Variants in JAK2 observed in about 807,000 individuals in gnomAD.
The protein encoded by JAK2 is tyrosine-protein kinase JAK2.
Under a neutral mutation model 139.3 loss-of-function variants are expected in JAK2, and 86 were observed. That is an observed-to-expected ratio of 0.62 (90% CI 0.52 to 0.74). JAK2 has a LOEUF of 0.74. Among genes scored for constraint, JAK2 ranks in the 30% least tolerant of loss-of-function variants. JAK2 has a pLI of 0.00. For synonymous variants in JAK2, 490 were observed against 437.7 expected (o/e 1.12, Z -1.49); for missense variants, 1,421 against 1,360.3 (o/e 1.04, Z -0.70).
At chr9:5,055,841 G>C in intron 8 of JAK2, 53 bp downstream of exon 8, 1 of 1,492,472 alleles carries the variant, frequency 6.7e-7, no homozygotes, top group Non-Finnish European at 9.2e-7. Flanking sequence ...TCTCAGAAAT[G>C]TGTATTTTAG....
chr9:5,050,843 T>C lies in JAK2; in HGVS notation c.614+12T>C. The C allele has an allele frequency of 6.2e-7, 1 of 1,606,912 alleles. No homozygotes were observed. Among genetic ancestry groups the C allele is most frequent in the Non-Finnish European group, 8.5e-7 (1 of 1,173,958 alleles). On this transcript the variant is annotated intron_variant, in intron 6 of 24. Transcript: ENST00000381652. ...TATAACTCTATCAGGTAATTTTCTT[T>C]TGCAAATCCTTACACATAAGTGTGA...
At chr9:5,055,321 T>C (rs1294123866) in intron 7 of JAK2, among the ~76,000 whole-genome samples, 1 of 152,062 alleles carries the variant, frequency 6.6e-6, no homozygotes, top group African/African-American at 2.4e-5. Context: ...GTGTTGTTCA[T>C]AGATTGTTAC....
At chr9:5,112,526 A>T in intron 22 of JAK2, 1 of 585,430 alleles carries the variant, frequency 1.7e-6, no homozygotes. Flanking sequence ...CCAGAGCAGA[A>T]GGCCGAGTGG....
At chr9:5,008,184 G>C (rs1303087096) in intron 2 of JAK2, among the ~76,000 whole-genome samples, 1 of 152,170 alleles carries the variant, frequency 6.6e-6, no homozygotes, top group African/African-American at 2.4e-5. Context: ...TATACATAAA[G>C]TCAATATTAT....
chr9:5,113,982 TG>T lies in JAK2; in HGVS notation c.3060-9020del, dbSNP rs773030171. Reference sequence around the variant, plus strand: ...ACACCCAGGTGCCATCAGCATCACCTGGCTGGAGGATGGGCAGGTCGTGGAT... The same window carrying T: ...ACACCCAGGTGCCATCAGCATCACCTGCTGGAGGATGGGCAGGTCGTGGAT... On this transcript the variant is annotated intron_variant, in intron 22 of 24. Coordinates refer to ENST00000381652, the MANE Select transcript of JAK2 (RefSeq NM_004972.4). 1.4e-3 allele frequency: 372 copies of T among 270,750 alleles called. No homozygotes were observed. The highest frequency in any genetic ancestry group is 2.1e-3 in the Non-Finnish European group (286 of 135,810). 16.8% of individuals were successfully genotyped at this position (270,750 alleles called of 1,614,324 possible).
rs990656442 is a variant in JAK2, at chr9:5,118,049, A to T, written c.3060-4955A>T. Among the ~76,000 whole-genome samples the T allele has an allele frequency of 5.9e-5, 9 of 152,362 alleles. No homozygotes were observed. In the South Asian group the frequency reaches 1.4e-3, roughly 25 times the overall value. On this transcript the variant is annotated intron_variant, in intron 22 of 24. Coordinates refer to ENST00000381652, the MANE Select transcript of JAK2 (RefSeq NM_004972.4). ...GTACTGTAAATATTGACATTTAAAT[A>T]ACAGCTATGTCAATCCTTTAAATGT...
chr9:5,073,877 C>T, intron 14 of JAK2, 92 bp downstream of exon 14: 3 of 780,380 alleles, frequency 3.8e-6, no homozygotes, highest in South Asian at 1.5e-5. Context: ...AGCTAGGTGT[C>T]AGTGTAAACT....
At chr9:5,082,624 C>T (rs577105120) in intron 19 of JAK2, among the ~76,000 whole-genome samples, 2 of 152,346 alleles carry the variant, frequency 1.3e-5, no homozygotes, top group South Asian at 2.1e-4. Flanking sequence ...CTTTCCCATC[C>T]CACGAGGCCA....
intron 4 of JAK2, among the ~76,000 whole-genome samples, chr9:5,042,183 TGC>T (rs1228819604): frequency 4.8e-5 from 7 of 144,946 alleles, no homozygotes; most frequent in African/African-American, 1.6e-4. Flanking sequence ...CAGGCCGGAC[TGC>T]GGACTGCAGT....
intron 22 of JAK2, among the ~76,000 whole-genome samples, chr9:5,106,197 A>G (rs1821938248): frequency 1.3e-5 from 2 of 151,734 alleles, no homozygotes; most frequent in African/African-American, 4.8e-5. Context: ...CTACAAAGAA[A>G]TTTACAAGAA....
intron 4 of JAK2, among the ~76,000 whole-genome samples, chr9:5,033,871 A>T (rs1162524875): frequency 6.6e-6 from 1 of 152,214 alleles, no homozygotes; most frequent in Non-Finnish European, 1.5e-5. Context: ...TAAAGACCGG[A>T]TCAAATTCAC....
intron 14 of JAK2, among the ~76,000 whole-genome samples, chr9:5,076,938 A>AT (rs201038521): frequency 7.9e-4 from 111 of 140,636 alleles, no homozygotes; most frequent in Non-Finnish European, 1.4e-3. Flanking sequence ...TGTTTTATAT[A>AT]TTTTTTTAAA....
chr9:5,085,274 T>C (rs1819996747), intron 19 of JAK2: 1 of 694,850 alleles, frequency 1.4e-6, no homozygotes, highest in African/African-American at 1.8e-5. Context: ...TCAGCTGATG[T>C]TGGTTTGCCT....
At chr9:5,007,672 C>A (rs1160377017) in intron 2 of JAK2, among the ~76,000 whole-genome samples, 1 of 151,452 alleles carries the variant, frequency 6.6e-6, no homozygotes, top group Non-Finnish European at 1.5e-5. Flanking sequence ...GCAAAAACCA[C>A]AATTACTTTT....
intron 2 of JAK2, among the ~76,000 whole-genome samples, chr9:5,009,517 T>A (rs996495861): frequency 2.5e-4 from 38 of 152,282 alleles, no homozygotes; most frequent in African/African-American, 9.1e-4. Context: ...TTTCAAAATA[T>A]TCTTAAATCT....
intron 3 of JAK2, among the ~76,000 whole-genome samples, chr9:5,026,934 C>G (rs757992330): frequency 6.6e-6 from 1 of 152,132 alleles, no homozygotes; most frequent in African/African-American, 2.4e-5. Flanking sequence ...GCCCAAAGGA[C>G]ATAATTATTA....
chr9:5,007,040 C>A (rs1185360297), intron 2 of JAK2, among the ~76,000 whole-genome samples: 2 of 151,918 alleles, frequency 1.3e-5, no homozygotes, highest in Non-Finnish European at 2.9e-5. Context: ...ATCAGTCTTT[C>A]TAGTGTTTTA....
At chr9:5,083,871 C>T (rs1320025275) in intron 19 of JAK2, among the ~76,000 whole-genome samples, 1 of 152,106 alleles carries the variant, frequency 6.6e-6, no homozygotes, top group African/African-American at 2.4e-5. Flanking sequence ...GTTGTAGTCT[C>T]TGCACAACTA....
At chr9:5,102,735 T>C (rs1461241181) in intron 22 of JAK2, among the ~76,000 whole-genome samples, 2 of 152,130 alleles carry the variant, frequency 1.3e-5, no homozygotes, top group African/African-American at 4.8e-5. Context: ...TGGAGGCCAA[T>C]ATTCAACATT....
Sources: allele counts gnomAD v4.1 joint callset (sites outside exome capture counted in the v4.1 genomes callset), GRCh38; gene constraint gnomAD v4.1.1; transcripts MANE v1.5; gene names NCBI Gene and HGNC (gene_info 2026-07-23, HGNC 2026-07-21).